FRAS1: variants seen among roughly 807,000 people sequenced by gnomAD.
The protein encoded by FRAS1 is Fraser extracellular matrix complex subunit 1, also known as extracellular matrix organizing protein FRAS1.
In FRAS1, 290 loss-of-function variants were observed where a neutral mutation model predicts 435.2. The ratio of observed to expected loss-of-function variants is 0.67; its 90% CI spans 0.61 to 0.73. The LOEUF is 0.73. Among genes scored for constraint, FRAS1 ranks in the 30% least tolerant of loss-of-function variants. The pLI is 0.00. For synonymous variants in FRAS1, 1,800 were observed against 1,851.0 expected (o/e 0.97, Z 0.71); for missense variants, 4,860 against 5,001.5 (o/e 0.97, Z 0.85).
At chr4:78,276,036 A>G (rs1479393005) in intron 9 of FRAS1, among the ~76,000 whole-genome samples, 1 of 151,842 alleles carries the variant, frequency 6.6e-6, no homozygotes, top group Non-Finnish European at 1.5e-5. Flanking sequence ...TTTTCTCTAA[A>G]CTTCCCTTCT....
At chr4:78,469,852 T>C (rs1317150208) in intron 50 of FRAS1, 126 bp from the exon 51 acceptor site, 1 of 722,004 alleles carries the variant, frequency 1.4e-6, no homozygotes, top group East Asian at 2.7e-5. Context: ...GGGAACGGGC[T>C]CAGTTGCCCA....
intron 69 of FRAS1, among the ~76,000 whole-genome samples, chr4:78,523,127 CAAAG>C (rs1721438704): frequency 6.6e-6 from 1 of 151,924 alleles, no homozygotes. Context: ...GACATTCTAG[CAAAG>C]AAAGAAAGAA....
intron 2 of FRAS1, among the ~76,000 whole-genome samples, chr4:78,091,567 C>G (rs1287573802): frequency 1.3e-5 from 2 of 151,836 alleles, no homozygotes; most frequent in Non-Finnish European, 2.9e-5. Context: ...TGTTGATTTT[C>G]AAAAGGGCAT....
At chr4:78,313,335 A>C (rs935512285) in intron 15 of FRAS1, among the ~76,000 whole-genome samples, 1 of 152,146 alleles carries the variant, frequency 6.6e-6, no homozygotes, top group Non-Finnish European at 1.5e-5. Flanking sequence ...CAGATGCTGG[A>C]TTCTCCAGGA....
At chr4:78,151,825 C>T (rs560769821) in intron 2 of FRAS1, among the ~76,000 whole-genome samples, 13 of 152,184 alleles carry the variant, frequency 8.5e-5, no homozygotes, top group African/African-American at 3.1e-4. Context: ...CCTTGGCTCC[C>T]TGGAGCTGTG....
chr4:78,529,027 A>G (rs1035199877), intron 70 of FRAS1, among the ~76,000 whole-genome samples: 11 of 152,110 alleles, frequency 7.2e-5, no homozygotes, highest in Non-Finnish European at 1.3e-4. Flanking sequence ...GGTGCTGGAA[A>G]TGAGATTTTT....
chr4:78,388,242 G>A (rs564444625), intron 29 of FRAS1, among the ~76,000 whole-genome samples: 18 of 151,072 alleles, frequency 1.2e-4, no homozygotes, highest in East Asian at 1.2e-3. Context: ...GGAGAATGGC[G>A]TGAACCCAGG....
intron 2 of FRAS1, among the ~76,000 whole-genome samples, chr4:78,193,601 T>A (rs1284206083): frequency 1.3e-4 from 20 of 152,180 alleles, no homozygotes; most frequent in Admixed American, 1.3e-3. Flanking sequence ...AACCCCTGTC[T>A]TTTTTTGTTT....
In FRAS1 at chr4:78,397,385, T is replaced by C. The variant is rs114499423; in HGVS notation, c.3976-3349T>C. 5.0e-3 allele frequency among the ~76,000 whole-genome samples: 769 copies of C among 152,298 alleles called. 3 individuals are homozygous for C. The highest frequency in any genetic ancestry group is 0.017 in the African/African-American group (726 of 41,566). ...TCCTCATGTTAGTTCCCTGAAGTAA[T>C]CAAGGTTGCGTGCCTTCTACCCAAT... is the stretch of plus-strand genomic sequence containing the variant. On this transcript the variant is annotated intron_variant, in intron 29 of 73. Coordinates refer to ENST00000512123, the MANE Select transcript of FRAS1 (RefSeq NM_025074.7).
intron 18 of FRAS1, among the ~76,000 whole-genome samples, chr4:78,330,770 C>T (rs1220565814): frequency 2.6e-5 from 4 of 152,202 alleles, no homozygotes; most frequent in African/African-American, 7.2e-5. Context: ...TTATCAATGA[C>T]AATGGTGCCA....
chr4:78,075,981 G>A (rs1442797032), intron 2 of FRAS1, among the ~76,000 whole-genome samples: 2 of 152,192 alleles, frequency 1.3e-5, no homozygotes, highest in African/African-American at 4.8e-5. Context: ...ACATTCTGTA[G>A]GCAGTGGGGA....
intron 2 of FRAS1, among the ~76,000 whole-genome samples, chr4:78,087,108 G>A (rs1359638150): frequency 1.3e-5 from 2 of 152,138 alleles, no homozygotes; most frequent in African/African-American, 4.8e-5. Context: ...TGGGATGCAA[G>A]GCTGGTTCAA....
At position 78,473,432 on chromosome 4, in the gene FRAS1, T is replaced by C. The variant is rs763982833; in HGVS notation, c.7523-6T>C. On this transcript the variant is annotated splice_region_variant and splice_polypyrimidine_tract_variant and intron_variant, in intron 52 of 73. Transcript: ENST00000512123. ...GTTAATTCACAGTGAGTCTTTTTTC[T>C]CACAGAGGATGTGAACTTGGGGTTG... 1 of 1,609,936 alleles carries C rather than the reference T, an allele frequency of 6.2e-7. No individual in the cohort carries two copies. The highest frequency in any genetic ancestry group is 1.1e-5 in the South Asian group (1 of 90,188).
At chr4:78,115,267 C>T (rs952169180) in intron 2 of FRAS1, among the ~76,000 whole-genome samples, 1 of 152,158 alleles carries the variant, frequency 6.6e-6, no homozygotes, top group African/African-American at 2.4e-5. Context: ...CCATGTTCAT[C>T]ACGGATATTG....
At chr4:78,430,181 A>T in intron 36 of FRAS1, 111 bp from the exon 37 acceptor site, 15 of 1,273,298 alleles carry the variant, frequency 1.2e-5, no homozygotes, top group Non-Finnish European at 1.7e-5. Context: ...TTCTGATAAC[A>T]ATCAGATTAC....
chr4:78,526,393 G>A (rs1175348937), intron 69 of FRAS1, 148 bp from the exon 70 acceptor site: 5 of 561,920 alleles, frequency 8.9e-6, no homozygotes, highest in African/African-American at 5.8e-5. Context: ...ATGAGTTCCC[G>A]AAAATGGTGT....
intron 18 of FRAS1, among the ~76,000 whole-genome samples, chr4:78,332,509 T>C (rs1729987046): frequency 6.6e-6 from 1 of 152,216 alleles, no homozygotes; most frequent in African/African-American, 2.4e-5. Context: ...CTAATGCTTA[T>C]AGCCAAGATT....
intron 51 of FRAS1, among the ~76,000 whole-genome samples, chr4:78,471,041 G>A (rs1035729056): frequency 1.3e-5 from 2 of 152,162 alleles, no homozygotes; most frequent in South Asian, 2.1e-4. Context: ...GGAGAATATC[G>A]AGTGTCTACC....
intron 2 of FRAS1, chr4:78,180,877 C>T: frequency 1.9e-6 from 3 of 1,596,836 alleles, no homozygotes; most frequent in Non-Finnish European, 2.6e-6. Context: ...TAAGCCAGAA[C>T]TGGGAATGCC....
Sources: gnomAD v4.1 joint callset for allele counts (sites outside exome capture counted in the v4.1 genomes callset) on GRCh38, gnomAD v4.1.1 for gene constraint, MANE v1.5 for transcripts, NCBI Gene and HGNC (gene_info 2026-07-23, HGNC 2026-07-21) for gene names.